The following PAPPA2 variants were observed in gnomAD, a reference collection of about 807,000 sequenced individuals.
The protein encoded by PAPPA2 is pappalysin-2.
PAPPA2 carries 86 observed loss-of-function variants against 176.4 expected under a neutral mutation model. The ratio of observed to expected loss-of-function variants is 0.49; its 90% CI spans 0.41 to 0.58. PAPPA2 has a LOEUF of 0.58. Ranked by LOEUF, PAPPA2 falls within the 20% of genes least tolerant of loss-of-function variation. PAPPA2 has a pLI of 0.00. For missense variants in PAPPA2, 2,073 were observed against 2,256.9 expected (o/e 0.92, Z 1.65); for synonymous variants, 809 against 852.2 (o/e 0.95, Z 0.88).
At chr1:176,766,287 T>A (rs1468185952) in intron 15 of PAPPA2, among the ~76,000 whole-genome samples, 7 of 152,206 alleles carry the variant, frequency 4.6e-5, no homozygotes, top group African/African-American at 1.7e-4. Flanking sequence ...AAGCTGTTAC[T>A]GAGGCAGAGA....
At chr1:176,489,773 G>A (rs911836700) in intron 1 of PAPPA2, among the ~76,000 whole-genome samples, 1 of 152,180 alleles carries the variant, frequency 6.6e-6, no homozygotes, top group African/African-American at 2.4e-5. Flanking sequence ...TCTGTAATTT[G>A]AGCTTTATAT....
intron 4 of PAPPA2, among the ~76,000 whole-genome samples, chr1:176,676,962 A>G (rs1659331250): frequency 6.6e-6 from 1 of 152,144 alleles, no homozygotes; most frequent in African/African-American, 2.4e-5. Context: ...AACAAGGGAT[A>G]TTTATATTTT....
Position 176,556,951 on chromosome 1 carries a change from A to C in PAPPA2, c.629A>C (p.Gln210Pro). The change falls in exon 2 of 23, where the codon CAG (glutamine) becomes CCG (proline). Residue 210 changes from glutamine to proline, a missense_variant. Gln to Pro is a moderately conservative substitution (Grantham distance 76). This residue lies in a region of PAPPA2 where 1,196 missense variants were observed against 1,330.4 expected (regional missense o/e 0.90). Coordinates refer to ENST00000367662, the MANE Select transcript of PAPPA2 (RefSeq NM_020318.3). ...QVWKRRAEDG[Q>P]GDSGISSHFQ... ...TGGAAGAGGCGGGCGGAAGATGGGCAGGGAGACTCCGGTATCTCTTCACAT... is the reference window on the plus strand; with the variant it reads ...TGGAAGAGGCGGGCGGAAGATGGGCCGGGAGACTCCGGTATCTCTTCACAT... The C allele has an allele frequency of 1.9e-6, 3 of 1,614,094 alleles. No individual in the cohort carries two copies. The highest frequency in any genetic ancestry group is 2.5e-6 in the Non-Finnish European group (3 of 1,180,000).
At chr1:176,833,782 A>G (rs1395284221) in intron 21 of PAPPA2, among the ~76,000 whole-genome samples, 1 of 152,124 alleles carries the variant, frequency 6.6e-6, no homozygotes, top group Non-Finnish European at 1.5e-5. Context: ...GATGATCTAC[A>G]TATATATTAT....
At position 176,556,357 on chromosome 1, in the gene PAPPA2, C is replaced by T. The variant is rs755342431; in HGVS notation, c.35C>T (p.Ala12Val). The T allele has an allele frequency of 4.3e-6, 7 of 1,613,826 alleles. No individual in the cohort carries two copies. The highest frequency in any genetic ancestry group is 1.6e-4 in the Middle Eastern group (1 of 6,080). ...MCLKILRISL[A>V]ILAGWALCSA... ...TTAAAGATCCTAAGAATAAGCCTGG[C>T]GATTTTGGCTGGGTGGGCACTCTGT... The change falls in exon 2 of 23, where the codon GCG (alanine) becomes GTG (valine). Residue 12 changes from alanine to valine, a missense_variant. Ala to Val is a moderately conservative substitution (Grantham distance 64, BLOSUM62 0). This residue lies in a region of PAPPA2 where 1,196 missense variants were observed against 1,330.4 expected (regional missense o/e 0.90). Transcript: ENST00000367662.
chr1:176,594,321 C>A (rs1653824266), intron 2 of PAPPA2, among the ~76,000 whole-genome samples: 1 of 152,220 alleles, frequency 6.6e-6, no homozygotes, highest in Admixed American at 6.5e-5. Flanking sequence ...AATCTCAAAT[C>A]ATTCCTTTTG....
intron 1 of PAPPA2, among the ~76,000 whole-genome samples, chr1:176,518,177 C>A (rs961950639): frequency 6.6e-6 from 1 of 152,130 alleles, no homozygotes. Context: ...TCTATAAAGC[C>A]TTTGAGGCCT....
intron 6 of PAPPA2, among the ~76,000 whole-genome samples, chr1:176,692,565 G>A (rs914600925): frequency 1.9e-4 from 29 of 152,214 alleles, no homozygotes; most frequent in Admixed American, 1.3e-3. Context: ...GAGCCTGACC[G>A]ATGTGACAGG....
At chr1:176,766,202 C>A (rs1663955998) in intron 15 of PAPPA2, among the ~76,000 whole-genome samples, 2 of 152,184 alleles carry the variant, frequency 1.3e-5, no homozygotes, top group South Asian at 4.1e-4. Flanking sequence ...CTGTGGTTCA[C>A]AATGTCCACC....
chr1:176,750,577 C>T (rs1663124870), intron 14 of PAPPA2, among the ~76,000 whole-genome samples: 1 of 152,076 alleles, frequency 6.6e-6, no homozygotes, highest in South Asian at 2.1e-4. Flanking sequence ...TGCACTCCAG[C>T]CTGGGTGACA....
intron 2 of PAPPA2, among the ~76,000 whole-genome samples, chr1:176,560,787 AT>A (rs1221445315): frequency 1.3e-5 from 2 of 152,198 alleles, no homozygotes; most frequent in African/African-American, 4.8e-5. Flanking sequence ...AAAAGAGAAG[AT>A]TTTAATAGGT....
At chr1:176,682,779 G>C (rs1479920316) in intron 4 of PAPPA2, among the ~76,000 whole-genome samples, 1 of 151,856 alleles carries the variant, frequency 6.6e-6, no homozygotes, top group Non-Finnish European at 1.5e-5. Flanking sequence ...CTGACTTGAA[G>C]TGCTCCTTCC....
At position 176,789,876 on chromosome 1, in the gene PAPPA2, T is replaced by G; in HGVS notation, c.4783T>G (p.Cys1595Gly). 6.2e-7 allele frequency: 1 copy of G among 1,614,146 alleles called. No homozygotes were observed. Among genetic ancestry groups the G allele is most frequent in the Non-Finnish European group, 8.5e-7 (1 of 1,180,004 alleles). The change falls in exon 18 of 23, where the codon TGT becomes GGT. Residue 1595 changes from cysteine to glycine, a missense_variant. Cys to Gly is a radical substitution (Grantham distance 159, BLOSUM62 -3). Around this residue, in one of 4 missense-constraint regions of PAPPA2, gnomAD observed 846 missense variants for 857.9 expected, o/e 0.99. Coordinates refer to ENST00000367662, the MANE Select transcript of PAPPA2 (RefSeq NM_020318.3). ...WEQGSCIPVV[C>G]EPPPPVFEGM... ...GCAAGGCAGCTGCATTCCTGTGGTG[T>G]GTGAGCCACCCCCTCCTGTGTTTGA...
intron 2 of PAPPA2, among the ~76,000 whole-genome samples, chr1:176,564,722 CTTTTTT>C (rs71299415): frequency 3.0e-5 from 4 of 133,938 alleles, no homozygotes; most frequent in African/African-American, 1.1e-4. Context: ...CTTTCCTTTT[CTTTTTT>C]TTTTTTTTTT....
chr1:176,609,362 T>C (rs1046502394), intron 3 of PAPPA2, among the ~76,000 whole-genome samples: 5 of 152,146 alleles, frequency 3.3e-5, no homozygotes, highest in Non-Finnish European at 5.9e-5. Context: ...CTTATGGAGC[T>C]TACAGTCTAT....
At chr1:176,714,508 A>G (rs1661284850) in intron 12 of PAPPA2, among the ~76,000 whole-genome samples, 1 of 152,174 alleles carries the variant, frequency 6.6e-6, no homozygotes, top group African/African-American at 2.4e-5. Context: ...CTTTTAAAAA[A>G]TAACTACTTG....
intron 3 of PAPPA2, among the ~76,000 whole-genome samples, chr1:176,668,345 A>T (rs184165783): frequency 6.6e-6 from 1 of 152,168 alleles, no homozygotes; most frequent in East Asian, 1.9e-4. Context: ...ATCCCCTTTT[A>T]ATACAAAGTT....
chr1:176,644,600 G>A (rs909735503), intron 3 of PAPPA2, among the ~76,000 whole-genome samples: 6 of 151,746 alleles, frequency 4.0e-5, no homozygotes, highest in African/African-American at 1.5e-4. Context: ...ATGGCAATAT[G>A]CACCATAGAT....
intron 12 of PAPPA2, among the ~76,000 whole-genome samples, chr1:176,738,844 CT>C (rs947317305): frequency 2.0e-5 from 3 of 150,896 alleles, no homozygotes; most frequent in African/African-American, 4.9e-5. Flanking sequence ...TTTTTCTTTT[CT>C]TTTTTTTTCT....
Sources: gnomAD v4.1 joint callset for allele counts (sites outside exome capture counted in the v4.1 genomes callset) on GRCh38, gnomAD v4.1.1 for gene constraint, gnomAD v4.1.1 regional missense constraint, MANE v1.5 for transcripts, NCBI Gene and HGNC (gene_info 2026-07-23, HGNC 2026-07-21) for gene names.